TIPIN: variants seen among roughly 807,000 people sequenced by gnomAD.
The protein encoded by TIPIN is TIMELESS interacting protein.
In TIPIN, 29 loss-of-function variants were observed where a neutral mutation model predicts 35.6. That is an observed-to-expected ratio of 0.82 (90% confidence interval 0.61 to 1.11). TIPIN has a LOEUF of 1.11. TIPIN is among the 50% of genes most tolerant of loss of function. The pLI is 0.00. For synonymous variants in TIPIN, 102 were observed against 121.5 expected, an observed-to-expected ratio of 0.84 and a Z score of 1.06; for missense variants, 296 against 345.4, an observed-to-expected ratio of 0.86 and a Z score of 1.13.
intron 6 of TIPIN, among the ~76,000 whole-genome samples, chr15:66,342,261 A>G (rs2093094359): frequency 6.6e-6 from 1 of 151,990 alleles, no homozygotes; most frequent in African/African-American, 2.4e-5. Flanking sequence ...TGCTTGGCCT[A>G]ATCAAAGAGC....
At chr15:66,376,579 C>T (rs373238780) in intron 1 of TIPIN, among the ~76,000 whole-genome samples, 2 of 151,802 alleles carry the variant, frequency 1.3e-5, no homozygotes, top group African/African-American at 4.8e-5. Context: ...CAGGCGTCTA[C>T]CACCAAGCCT....
chr15:66,380,103 G>A lies in TIPIN; in HGVS notation c.-9+6504C>T, dbSNP rs1021168874. 8.2e-5 allele frequency among the ~76,000 whole-genome samples: 12 copies of A among 145,862 alleles called. No homozygotes were observed. The South Asian group carries it at 1.3e-3, about 16-fold the overall frequency. ...TGCAACCTCCGCCTCTCAGGCTCACGCCATTCTCCTACCTCAGCCTCCTGA... is the reference window on the plus strand; with the variant it reads ...TGCAACCTCCGCCTCTCAGGCTCACACCATTCTCCTACCTCAGCCTCCTGA... On this transcript the variant is annotated intron_variant, in intron 1 of 7. Coordinates refer to the TIPIN transcript ENST00000562124.
chr15:66,361,842 T>C (rs1415637424), intron 1 of TIPIN, among the ~76,000 whole-genome samples: 1 of 151,652 alleles, frequency 6.6e-6, no homozygotes, highest in East Asian at 1.9e-4. Flanking sequence ...ACCCCTTCTC[T>C]ACTGAAAATA....
At position 66,367,748 on chromosome 15, in the gene TIPIN, GA is replaced by G. The variant is rs1279053732; in HGVS notation, c.-8-14794del. 8.5e-5 allele frequency among the ~76,000 whole-genome samples: 12 copies of G among 141,636 alleles called. No homozygotes were observed. The East Asian group carries it at 1.2e-3, about 15-fold the overall frequency. 92.9% of individuals were successfully genotyped at this position (141,636 alleles called of 152,430 possible). A position where few individuals can be genotyped will look rare whatever the true frequency, so the allele number is the denominator to read the frequency against. On this transcript the variant is annotated intron_variant, in intron 1 of 7. Coordinates refer to the TIPIN transcript ENST00000562124. ...ACAATTTTTTATGTTTTTTTTCCAA[GA>G]AAAAAAAAGGACATTACTTTGTGTT...
chr15:66,351,525 C>G lies in TIPIN; in HGVS notation c.288G>C (p.Glu96Asp), dbSNP rs760920977. Reference sequence around the variant, plus strand: ...GTCTAACATAAAAATCAGTTCTTACCTCATGACCTTTACCTTTGAATTTTG... The same window carrying G: ...GTCTAACATAAAAATCAGTTCTTACGTCATGACCTTTACCTTTGAATTTTG... ...DKAKFKGKGH[E>D]AEDLKMLIRH... The change falls in exon 4 of 8, where the codon GAG (glutamate) becomes GAC (aspartate). Residue 96 changes from glutamate (E) to aspartate (D), a missense_variant and splice_region_variant. Transcript: ENST00000261881. 5 of 1,611,524 alleles carry G rather than the reference C, an allele frequency of 3.1e-6. No homozygotes were observed. In the Admixed American group the frequency reaches 5.0e-5, roughly 16 times the overall value.
chr15:66,348,008 CTT>C (rs543925918), intron 6 of TIPIN, among the ~76,000 whole-genome samples: 2 of 135,500 alleles, frequency 1.5e-5, no homozygotes, highest in Non-Finnish European at 1.5e-5. Flanking sequence ...TTCTTTCTTT[CTT>C]TTTTTTTTTT....
intron 1 of TIPIN, chr15:66,379,754 C>T: frequency 1.9e-6 from 3 of 1,606,616 alleles, no homozygotes; most frequent in Non-Finnish European, 2.5e-6. Flanking sequence ...CAACCAGAGC[C>T]TCTTTTTTTT....
rs8034007 is a variant in TIPIN, at chr15:66,371,752, C to T, written c.-9+14855G>A. The stretch of plus-strand genomic sequence containing the variant: ...CAGAATGGTCTCGATCTCCTGACTT[C>T]GTGATCCGCCCGCCTCAGCCTCCCA... On this transcript the variant is annotated intron_variant, in intron 1 of 7. Transcript: ENST00000562124. 3.6e-3 allele frequency among the ~76,000 whole-genome samples: 547 copies of T among 151,944 alleles called. 2 individuals carry two copies. Among genetic ancestry groups the T allele is most frequent in the African/African-American group, 0.013 (521 of 41,446 alleles).
chr15:66,384,987 C>T (rs1857687213), intron 1 of TIPIN, among the ~76,000 whole-genome samples: 1 of 152,192 alleles, frequency 6.6e-6, no homozygotes, highest in South Asian at 2.1e-4. Context: ...CTGATACCTC[C>T]AATTCCAATA....
chr15:66,361,563 A>T (rs1483546774), upstream of TIPIN, among the ~76,000 whole-genome samples: 20 of 6,104 alleles, frequency 3.3e-3, 1 homozygote, highest in African/African-American at 5.5e-3. Context: ...CCTGTAATTT[A>T]AAAAAAAAAA....
At chr15:66,367,001 C>T (rs374486734) in intron 1 of TIPIN, 7 of 416,112 alleles carry the variant, frequency 1.7e-5, no homozygotes, top group African/African-American at 4.3e-5. Context: ...GTCAACATGA[C>T]GAAACACCGT....
At chr15:66,383,648 A>G (rs1377134686) in intron 1 of TIPIN, 2 of 909,900 alleles carry the variant, frequency 2.2e-6, no homozygotes, top group African/African-American at 3.6e-5. Flanking sequence ...ACACACTTCT[A>G]CACACACATG....
At chr15:66,379,524 C>T (rs995702558) in intron 1 of TIPIN, 1 of 1,610,332 alleles carries the variant, frequency 6.2e-7, no homozygotes, top group East Asian at 2.2e-5. Context: ...ACAAGCAACA[C>T]CTGGTCTCAT....
intron 1 of TIPIN, among the ~76,000 whole-genome samples, chr15:66,381,697 G>A (rs1595825062): frequency 6.6e-6 from 1 of 152,126 alleles, no homozygotes; most frequent in East Asian, 1.9e-4. Context: ...GAGAATCATG[G>A]AAGTAGAATT....
exon 1 of TIPIN, chr15:66,386,703 G>T: frequency 5.4e-6 from 1 of 184,684 alleles, no homozygotes; most frequent in Non-Finnish European, 1.2e-5. Flanking sequence ...GCCTCGGGGC[G>T]ACAGAGGGCG....
intron 4 of TIPIN, among the ~76,000 whole-genome samples, chr15:66,349,658 C>T (rs575015342): frequency 6.6e-6 from 1 of 152,226 alleles, no homozygotes; most frequent in East Asian, 1.9e-4. Context: ...GGGGACGGAT[C>T]ACTTGAGCTA....
upstream of TIPIN, among the ~76,000 whole-genome samples, chr15:66,356,956 A>G (rs1007124355): frequency 6.7e-6 from 1 of 149,702 alleles, no homozygotes; most frequent in Non-Finnish European, 1.5e-5. Flanking sequence ...TCGCTCTATC[A>G]CTCAGGCTGG....
At chr15:66,354,004 T>C (rs2093187145) in intron 1 of TIPIN, among the ~76,000 whole-genome samples, 1 of 152,130 alleles carries the variant, frequency 6.6e-6, no homozygotes, top group Non-Finnish European at 1.5e-5. Flanking sequence ...GCACCTGTAG[T>C]CCCAGCTACT....
chr15:66,372,910 A>G (rs961196102), intron 1 of TIPIN, among the ~76,000 whole-genome samples: 32 of 152,096 alleles, frequency 2.1e-4, no homozygotes, highest in Non-Finnish European at 3.7e-4. Context: ...CTTGGGGAAA[A>G]AAAAAAAAGA....
Sources: gnomAD v4.1 joint callset for allele counts (sites outside exome capture counted in the v4.1 genomes callset) on GRCh38, gnomAD v4.1.1 for gene constraint, MANE v1.5 for transcripts, NCBI Gene and HGNC (gene_info 2026-07-23, HGNC 2026-07-21) for gene names.